The following DCDC1 variants were observed in gnomAD, a reference collection of about 807,000 sequenced individuals.
DCDC1 encodes doublecortin domain containing 1, also known as doublecortin domain-containing protein 1.
In DCDC1, 200 loss-of-function variants were observed where a neutral mutation model predicts 178.3. The observed-to-expected ratio is 1.12, with a 90% CI of 1.00 to 1.26. The LOEUF (loss-of-function observed/expected upper bound fraction) is 1.26. DCDC1 is among the 50% of genes most tolerant of loss of function. The pLI is 0.00. For synonymous variants in DCDC1, 690 were observed against 604.8 expected (o/e 1.14, Z -2.07); for missense variants, 1,983 against 1,749.2 (o/e 1.13, Z -2.38).
intron 1 of DCDC1, among the ~76,000 whole-genome samples, chr11:31,348,250 G>A (rs925000661): frequency 6.6e-5 from 10 of 151,924 alleles, no homozygotes; most frequent in Non-Finnish European, 8.8e-5. Flanking sequence ...TTGAATATTC[G>A]AACTCACATT....
Position 31,065,733 on chromosome 11 carries a change from A to C in DCDC1, c.2299-580T>G, listed in dbSNP as rs138260636. ...AAGCAAAAAATATTAATGATATACT[A>C]AATACAAATGAAGCACATGAGGCAC... On this transcript the variant is annotated intron_variant, in intron 18 of 38. Transcript: ENST00000684477. Among the ~76,000 whole-genome samples, 322 of 152,324 alleles carry C rather than the reference A, an allele frequency of 2.1e-3. 1 individual carries two copies. Among genetic ancestry groups the C allele is most frequent in the African/African-American group, 6.8e-3 (282 of 41,564 alleles).
chr11:30,961,602 A>C (rs1949102627), intron 20 of DCDC1, among the ~76,000 whole-genome samples: 1 of 152,064 alleles, frequency 6.6e-6, no homozygotes, highest in Admixed American at 6.6e-5. Flanking sequence ...TAGCACTTAG[A>C]ATGTATTTAT....
intron 20 of DCDC1, among the ~76,000 whole-genome samples, chr11:30,999,218 G>A (rs190116516): frequency 3.3e-5 from 5 of 152,246 alleles, no homozygotes; most frequent in African/African-American, 1.2e-4. Context: ...GGTAACATCA[G>A]TGGAAAAACT....
At chr11:31,277,536 C>A (rs752821853) in intron 7 of DCDC1, among the ~76,000 whole-genome samples, 2 of 152,112 alleles carry the variant, frequency 1.3e-5, no homozygotes, top group African/African-American at 4.8e-5. Context: ...GCATTCTTAT[C>A]AGCTAAATAT....
At chr11:31,300,892 T>A (rs1466780741) in intron 6 of DCDC1, among the ~76,000 whole-genome samples, 1 of 152,184 alleles carries the variant, frequency 6.6e-6, no homozygotes, top group Non-Finnish European at 1.5e-5. Flanking sequence ...TTTATGGTTA[T>A]GTCAAGAATT....
At chr11:31,135,917 C>A (rs1963072859) in intron 10 of DCDC1, among the ~76,000 whole-genome samples, 1 of 152,094 alleles carries the variant, frequency 6.6e-6, no homozygotes. Flanking sequence ...ATTTGCTATA[C>A]TGATCATTTT....
intron 9 of DCDC1, among the ~76,000 whole-genome samples, chr11:31,204,528 T>C (rs1351922692): frequency 6.6e-6 from 1 of 151,992 alleles, no homozygotes; most frequent in Non-Finnish European, 1.5e-5. Context: ...AAAACTTTCA[T>C]CAAAACAAAA....
chr11:30,954,391 G>A (rs757916336), intron 20 of DCDC1, among the ~76,000 whole-genome samples: 2 of 152,038 alleles, frequency 1.3e-5, no homozygotes, highest in Non-Finnish European at 2.9e-5. Context: ...TACTAAAAAC[G>A]AGCTCCTGAT....
intron 22 of DCDC1, 78 bp downstream of exon 22, chr11:30,931,693 A>G (rs1052406048): frequency 1.4e-6 from 2 of 1,394,808 alleles, no homozygotes; most frequent in Non-Finnish European, 1.9e-6. Context: ...TTCCCACAGA[A>G]AAACATCCAT....
rs1166641154 is a variant in DCDC1, at chr11:31,319,783, C to T, written c.164+8334G>A. Reference sequence around the variant, plus strand: ...TTTACATTTTGGCATGATTTTGCAGCGGCTGGTACTGGTTGTTCCTTTCCA... The same window carrying T: ...TTTACATTTTGGCATGATTTTGCAGTGGCTGGTACTGGTTGTTCCTTTCCA... On this transcript the variant is annotated intron_variant, in intron 3 of 38. Coordinates refer to ENST00000684477, the MANE Select transcript of DCDC1 (RefSeq NM_001387274.1). 1.9e-4 allele frequency among the ~76,000 whole-genome samples: 11 copies of T among 57,972 alleles called. 4 individuals are homozygous for T. The highest frequency in any genetic ancestry group is 3.9e-4 in the Admixed American group (2 of 5,106). The allele number at this position is 57,972 out of a possible 152,430, so 38.0% of individuals were successfully genotyped here. A position where few individuals can be genotyped will look rare whatever the true frequency, so the allele number is the denominator to read the frequency against.
intron 21 of DCDC1, among the ~76,000 whole-genome samples, chr11:30,951,208 G>A (rs1454314648): frequency 5.3e-5 from 8 of 152,012 alleles, no homozygotes; most frequent in Non-Finnish European, 7.4e-5. Context: ...TGCTGAAACT[G>A]TAGAATACCA....
At chr11:31,341,858 T>C (rs1266451954) in intron 1 of DCDC1, among the ~76,000 whole-genome samples, 10 of 151,058 alleles carry the variant, frequency 6.6e-5, no homozygotes, top group Non-Finnish European at 8.8e-5. Flanking sequence ...TTTTTTGGTC[T>C]GTTTCTCTGT....
chr11:31,236,796 T>G (rs1163562489), intron 9 of DCDC1, among the ~76,000 whole-genome samples: 1 of 152,030 alleles, frequency 6.6e-6, no homozygotes, highest in Non-Finnish European at 1.5e-5. Context: ...TTATATATTA[T>G]AGATTTTGTT....
chr11:30,952,659 A>G, intron 20 of DCDC1, 91 bp from the exon 21 acceptor site: 1 of 467,790 alleles, frequency 2.1e-6, no homozygotes, highest in Admixed American at 3.9e-5. Context: ...CTTACTATAC[A>G]CTAGGCAAAA....
chr11:31,040,936 A>G (rs1954405598), intron 20 of DCDC1, among the ~76,000 whole-genome samples: 1 of 152,242 alleles, frequency 6.6e-6, no homozygotes, highest in Admixed American at 6.5e-5. Context: ...ATTCATCTGC[A>G]TATGGAGAAA....
chr11:31,037,667 G>A (rs1368269122), intron 20 of DCDC1, among the ~76,000 whole-genome samples: 1 of 151,980 alleles, frequency 6.6e-6, no homozygotes, highest in Non-Finnish European at 1.5e-5. Flanking sequence ...GTTTCACCGT[G>A]TTAGCCAGGA....
At chr11:31,077,436 G>A (rs1176423343) in intron 18 of DCDC1, among the ~76,000 whole-genome samples, 1 of 152,046 alleles carries the variant, frequency 6.6e-6, no homozygotes, top group Non-Finnish European at 1.5e-5. Context: ...AATTAGTATT[G>A]CTATTAACAT....
intron 36 of DCDC1, among the ~76,000 whole-genome samples, chr11:30,887,136 TG>T (rs1943247158): frequency 6.6e-6 from 1 of 152,136 alleles, no homozygotes; most frequent in African/African-American, 2.4e-5. Context: ...ACTAATGAAA[TG>T]CTGTCCCTTG....
At chr11:31,186,944 C>A (rs1969574175) in intron 9 of DCDC1, among the ~76,000 whole-genome samples, 1 of 152,180 alleles carries the variant, frequency 6.6e-6, no homozygotes, top group Non-Finnish European at 1.5e-5. Context: ...CTCACTCTTG[C>A]TTCCCTGTTA....
Sources: allele counts gnomAD v4.1 joint callset (sites outside exome capture counted in the v4.1 genomes callset), GRCh38; gene constraint gnomAD v4.1.1; transcripts MANE v1.5; gene names NCBI Gene and HGNC (gene_info 2026-07-23, HGNC 2026-07-21).